The following LUZP2 variants were observed in gnomAD, a reference collection of about 807,000 sequenced individuals.
LUZP2 encodes leucine zipper protein 2.
Under a neutral mutation model 51.6 loss-of-function variants are expected in LUZP2, and 52 were observed. The observed-to-expected ratio is 1.01, with a 90% CI of 0.81 to 1.27. The LOEUF is 1.27. LUZP2 is among the 50% of genes most tolerant of loss of function. LUZP2 has a pLI of 0.00. For synonymous variants in LUZP2, 154 were observed against 137.3 expected (o/e 1.12, Z -0.85); for missense variants, 436 against 395.4 (o/e 1.10, Z -0.87).
chr11:24,785,101 C>T (rs908978087), intron 5 of LUZP2, among the ~76,000 whole-genome samples: 4 of 151,984 alleles, frequency 2.6e-5, no homozygotes, highest in African/African-American at 9.7e-5. Flanking sequence ...TATGCTCATT[C>T]CTCTTTGGAA....
intron 1 of LUZP2, among the ~76,000 whole-genome samples, chr11:24,531,055 T>G (rs964713391): frequency 6.9e-6 from 1 of 145,170 alleles, no homozygotes; most frequent in East Asian, 2.0e-4. Context: ...ATTATTATTA[T>G]TATTATTATT....
intron 9 of LUZP2, among the ~76,000 whole-genome samples, chr11:25,009,853 A>G (rs1020543697): frequency 6.6e-6 from 1 of 152,180 alleles, no homozygotes; most frequent in Non-Finnish European, 1.5e-5. Flanking sequence ...AGCAGTTAGT[A>G]CTACTCCTTG....
At chr11:24,684,205 T>G (rs983727434) in intron 1 of LUZP2, among the ~76,000 whole-genome samples, 1 of 152,134 alleles carries the variant, frequency 6.6e-6, no homozygotes, top group African/African-American at 2.4e-5. Context: ...CAGTCTGAGC[T>G]TTATGAATAT....
intron 5 of LUZP2, among the ~76,000 whole-genome samples, chr11:24,793,285 G>T (rs1466267762): frequency 6.6e-6 from 1 of 152,082 alleles, no homozygotes; most frequent in East Asian, 1.9e-4. Context: ...CATCATAAAT[G>T]ATATGGTTAT....
chr11:24,626,078 A>C lies in LUZP2; in HGVS notation c.63-103091A>C, dbSNP rs1590260595. On this transcript the variant is annotated intron_variant, in intron 1 of 11. Coordinates refer to ENST00000336930, the MANE Select transcript of LUZP2 (RefSeq NM_001009909.4). ...TGAGTCTCTGTGTTTTCTAGTATAAAGTGTCAACCTCGGAGGGTTATTTTC... is the reference window on the plus strand; with the variant it reads ...TGAGTCTCTGTGTTTTCTAGTATAACGTGTCAACCTCGGAGGGTTATTTTC... Among the ~76,000 whole-genome samples, 12 of 152,270 alleles carry C rather than the reference A, an allele frequency of 7.9e-5. No individual in the cohort carries two copies. In the South Asian group the frequency reaches 2.5e-3, roughly 32 times the overall value.
chr11:25,033,465 C>T (rs543159038), intron 9 of LUZP2, among the ~76,000 whole-genome samples: 1 of 152,014 alleles, frequency 6.6e-6, no homozygotes, highest in South Asian at 2.1e-4. Flanking sequence ...TACATGTGTA[C>T]GTTTGTTACA....
Position 24,497,182 on chromosome 11 carries a change from A to C in LUZP2, c.-62A>C. ...GGACAGAGCCGGGCACCAAGGAGCG[A>C]CAGGATCCCGAAGAGAGAGAGAGAA... is the stretch of plus-strand genomic sequence containing the variant. On this transcript the variant is annotated 5_prime_UTR_variant, in exon 1 of 12. Coordinates refer to ENST00000336930, the MANE Select transcript of LUZP2 (RefSeq NM_001009909.4). 5.6e-6 allele frequency: 8 copies of C among 1,431,550 alleles called. No homozygotes were observed. Among genetic ancestry groups the C allele is most frequent in the Non-Finnish European group, 5.7e-6 (6 of 1,060,208 alleles). 88.7% of individuals were successfully genotyped at this position (1,431,550 alleles called of 1,614,324 possible). A position where few individuals can be genotyped will look rare whatever the true frequency, so the allele number is the denominator to read the frequency against.
chr11:24,874,073 C>A (rs1229202615), intron 5 of LUZP2, among the ~76,000 whole-genome samples: 1 of 152,114 alleles, frequency 6.6e-6, no homozygotes. Flanking sequence ...TAATTTCTCT[C>A]CATTTATTCT....
intron 3 of LUZP2, among the ~76,000 whole-genome samples, chr11:24,734,371 G>A (rs1858846845): frequency 6.6e-6 from 1 of 151,072 alleles, no homozygotes. Context: ...CAAAAATCAG[G>A]AAAAAAAAAT....
chr11:24,917,785 T>A (rs1479644952), intron 7 of LUZP2, among the ~76,000 whole-genome samples: 1 of 152,184 alleles, frequency 6.6e-6, no homozygotes, highest in Admixed American at 6.6e-5. Flanking sequence ...TCCAGCTTTG[T>A]TCTTTTGGCT....
intron 5 of LUZP2, among the ~76,000 whole-genome samples, chr11:24,798,899 C>T (rs927401639): frequency 6.6e-6 from 1 of 152,196 alleles, no homozygotes; most frequent in East Asian, 1.9e-4. Flanking sequence ...AAGGAGTTCA[C>T]CACATAGTTA....
At chr11:25,048,074 G>A (rs796217031) in intron 9 of LUZP2, among the ~76,000 whole-genome samples, 7 of 152,186 alleles carry the variant, frequency 4.6e-5, no homozygotes, top group African/African-American at 1.7e-4. Context: ...GTCTCCCAAT[G>A]TGCTGGAAAT....
intron 9 of LUZP2, among the ~76,000 whole-genome samples, chr11:25,044,170 T>C (rs1341765996): frequency 1.9e-5 from 2 of 103,534 alleles, no homozygotes; most frequent in Non-Finnish European, 4.4e-5. Context: ...ATAGTGTCTC[T>C]ATATATACAC....
chr11:24,534,810 T>C (rs1391235885), intron 1 of LUZP2, among the ~76,000 whole-genome samples: 1 of 151,456 alleles, frequency 6.6e-6, no homozygotes, highest in African/African-American at 2.4e-5. Flanking sequence ...CTGTGCATAA[T>C]GTGCTTAATA....
At chr11:24,555,224 T>C (rs1210044145) in intron 1 of LUZP2, among the ~76,000 whole-genome samples, 2 of 152,126 alleles carry the variant, frequency 1.3e-5, no homozygotes, top group Non-Finnish European at 2.9e-5. Flanking sequence ...CCATAAGTAT[T>C]AGAAGATAGT....
At chr11:24,542,229 T>TCA (rs1448260370) in intron 1 of LUZP2, among the ~76,000 whole-genome samples, 2 of 152,060 alleles carry the variant, frequency 1.3e-5, no homozygotes, top group Non-Finnish European at 2.9e-5. Context: ...ATTACTATCC[T>TCA]CACCCCCCCA....
At chr11:25,025,349 G>A (rs1857459969) in intron 9 of LUZP2, among the ~76,000 whole-genome samples, 1 of 152,114 alleles carries the variant, frequency 6.6e-6, no homozygotes, top group Non-Finnish European at 1.5e-5. Context: ...TACCATCAGA[G>A]TGACAAGCAA....
At chr11:24,698,409 C>A (rs1857315568) in intron 1 of LUZP2, among the ~76,000 whole-genome samples, 1 of 152,180 alleles carries the variant, frequency 6.6e-6, no homozygotes, top group Admixed American at 6.5e-5. Context: ...ACACTTCAAC[C>A]TTTTGGTAGC....
At chr11:24,763,729 T>C (rs1200808162) in intron 5 of LUZP2, among the ~76,000 whole-genome samples, 1 of 152,196 alleles carries the variant, frequency 6.6e-6, no homozygotes, top group Non-Finnish European at 1.5e-5. Context: ...AATTTAAACA[T>C]AAACAAGTTG....
Sources: allele counts gnomAD v4.1 joint callset (sites outside exome capture counted in the v4.1 genomes callset), GRCh38; gene constraint gnomAD v4.1.1; transcripts MANE v1.5; gene names NCBI Gene and HGNC (gene_info 2026-07-23, HGNC 2026-07-21).